The following IZUMO2 variants were observed in gnomAD, a reference collection of about 807,000 sequenced individuals.
IZUMO2 encodes izumo sperm-egg fusion protein 2.
A neutral mutation model predicts 31.2 loss-of-function variants in IZUMO2; 24 were observed. That is an observed-to-expected ratio of 0.77 (90% CI 0.56 to 1.08). The LOEUF (loss-of-function observed/expected upper bound fraction) is 1.08. IZUMO2 is among the 50% of genes least tolerant of loss of function. The probability of loss-of-function intolerance (pLI) is 0.00; values close to 1 mark genes in which losing one functional copy is unlikely to be tolerated. For missense variants in IZUMO2, 278 were observed against 274.0 expected (o/e 1.01, Z -0.10); for synonymous variants, 144 against 117.3 (o/e 1.23, Z -1.47).
chr19:50,154,831 G>A, intron 5 of IZUMO2, 105 bp from the exon 6 acceptor site: 1 of 1,322,364 alleles, frequency 7.6e-7, no homozygotes, highest in Non-Finnish European at 1.0e-6. Flanking sequence ...GGGTGGGGGT[G>A]GGGCGCTCTC....
At chr19:50,162,640 T>C in intron 2 of IZUMO2, 99 bp downstream of exon 2, 2 of 1,010,402 alleles carry the variant, frequency 2.0e-6, no homozygotes, top group South Asian at 1.3e-5. Flanking sequence ...AAGGCTACAT[T>C]GCATGCGTGT....
chr19:50,158,130 G>T (rs1164966043), intron 5 of IZUMO2, 138 bp downstream of exon 5: 3 of 485,168 alleles, frequency 6.2e-6, no homozygotes, highest in Non-Finnish European at 1.1e-5. Flanking sequence ...AGCAACTTCT[G>T]GGCCACACTC....
chr19:50,163,213 TCA>T lies in IZUMO2; in HGVS notation c.-21_-20del. 1 of 1,535,742 alleles carries T rather than the reference TCA, an allele frequency of 6.5e-7. No individual in the cohort carries two copies. Among genetic ancestry groups the T allele is most frequent in the Non-Finnish European group, 8.8e-7 (1 of 1,137,466 alleles). On this transcript the variant is annotated 5_prime_UTR_variant, in exon 1 of 7. It removes the in-frame stop codon of an upstream open reading frame in the 5' UTR. Transcript: ENST00000293405. Reference sequence around the variant, plus strand: ...GAGGCATGGCGGGGCCTTTGTGACGTCACAGAGAGAACCCGGCCCGCCCCGCC... The same window carrying T: ...GAGGCATGGCGGGGCCTTTGTGACGTCAGAGAGAACCCGGCCCGCCCCGCC...
intron 5 of IZUMO2, among the ~76,000 whole-genome samples, chr19:50,157,171 T>C (rs966467558): frequency 6.6e-6 from 1 of 152,148 alleles, no homozygotes; most frequent in Admixed American, 6.6e-5. Flanking sequence ...GAGGCCTGTC[T>C]GAGGAAGTGA....
intron 1 of IZUMO2, 59 bp from the exon 2 acceptor site, chr19:50,162,872 C>A (rs1342533940): frequency 1.2e-6 from 2 of 1,602,388 alleles, no homozygotes; most frequent in East Asian, 2.2e-5. Flanking sequence ...AGTGACCTCA[C>A]CCCCTCCAGG....
At chr19:50,161,540 A>G (rs900554850) in intron 2 of IZUMO2, among the ~76,000 whole-genome samples, 4 of 152,172 alleles carry the variant, frequency 2.6e-5, no homozygotes, top group African/African-American at 9.7e-5. Flanking sequence ...CTCATCTTCC[A>G]TAGAGACAAT....
At chr19:50,157,960 A>ATGAG (rs199828373) in intron 5 of IZUMO2, among the ~76,000 whole-genome samples, 2,610 of 151,916 alleles carry the variant, frequency 0.017, 71 homozygotes, top group African/African-American at 0.06. Flanking sequence ...GAATGAATGA[A>ATGAG]TGAGTGAATT....
chr19:50,153,155 T>G (rs2030084067), intron 6 of IZUMO2, among the ~76,000 whole-genome samples: 1 of 152,024 alleles, frequency 6.6e-6, no homozygotes, highest in African/African-American at 2.4e-5. Flanking sequence ...AGATTTGAGA[T>G]GGACACACAG....
chr19:50,162,621 G>T (rs1483742669), intron 2 of IZUMO2, 118 bp downstream of exon 2: 1 of 704,414 alleles, frequency 1.4e-6, no homozygotes, highest in Non-Finnish European at 2.3e-6. Flanking sequence ...TCTTAAAAAA[G>T]AAAAAAAAAA....
chr19:50,158,194 A>G (rs563902214), intron 5 of IZUMO2, 74 bp downstream of exon 5: 75 of 938,702 alleles, frequency 8.0e-5, no homozygotes, highest in Non-Finnish European at 1.1e-4. Flanking sequence ...CTCGAAACCC[A>G]TATCTAGTGG....
chr19:50,158,375 G>A (rs2030286945), intron 4 of IZUMO2, 27 bp from the exon 5 acceptor site: 1 of 1,470,684 alleles, frequency 6.8e-7, no homozygotes, highest in Non-Finnish European at 9.5e-7. Flanking sequence ...GGAGAAGTAA[G>A]ACAAGGGCAG....
At chr19:50,157,531 T>C (rs1180242994) in intron 5 of IZUMO2, among the ~76,000 whole-genome samples, 1 of 150,240 alleles carries the variant, frequency 6.7e-6, no homozygotes, top group Non-Finnish European at 1.5e-5. Context: ...CTCAAACTCC[T>C]GACCTTGTGA....
rs138566751 is a variant in IZUMO2 at position 50,159,598 on chromosome 19, T to A, written c.308-18A>T. 1,702 of 1,574,222 alleles carry A rather than the reference T, an allele frequency of 1.1e-3. 13 individuals are homozygous for A. The African/African-American group carries it at 0.016, about 15-fold the overall frequency. On this transcript the variant is annotated intron_variant, in intron 2 of 6. Transcript: ENST00000293405. ...AGGCTCATCTGAGGAGAGAAAGAGA[T>A]CTCTGTGGGGTGGGAGGCACCCAGA... is the stretch of plus-strand genomic sequence containing the variant.
chr19:50,159,420 A>AG (rs768248249), intron 3 of IZUMO2, 74 bp downstream of exon 3: 212 of 1,290,638 alleles, frequency 1.6e-4, no homozygotes, highest in Non-Finnish European at 2.3e-4. Context: ...GGAGTTTGGG[A>AG]GAAAAAGTGG....
chr19:50,158,000 A>G (rs114709829), intron 5 of IZUMO2, among the ~76,000 whole-genome samples: 2,696 of 152,132 alleles, frequency 0.018, 74 homozygotes, highest in African/African-American at 0.062. Flanking sequence ...CCCCAGGTAT[A>G]GCAATGGCTA....
intron 2 of IZUMO2, 76 bp from the exon 3 acceptor site, chr19:50,159,656 A>G: frequency 1.2e-6 from 1 of 835,926 alleles, no homozygotes; most frequent in East Asian, 2.4e-5. Context: ...CTTCCAGGAG[A>G]AGAGATGAGG....
intron 5 of IZUMO2, among the ~76,000 whole-genome samples, chr19:50,157,018 G>A (rs1443640870): frequency 6.6e-6 from 1 of 152,158 alleles, no homozygotes; most frequent in Non-Finnish European, 1.5e-5. Context: ...ATTTTTAGAG[G>A]TACATGCTAT....
chr19:50,160,877 G>A (rs146708298), intron 2 of IZUMO2: 8 of 152,160 alleles, frequency 5.3e-5, no homozygotes, highest in African/African-American at 1.7e-4. Context: ...TGCCCCCCAC[G>A]TTTATATTAC....
intron 6 of IZUMO2, among the ~76,000 whole-genome samples, chr19:50,153,478 G>A (rs745443033): frequency 2.6e-5 from 4 of 152,144 alleles, no homozygotes; most frequent in African/African-American, 4.8e-5. Context: ...TAGCCTGCAC[G>A]GAGCACTCCC....
Sources: gnomAD v4.1 joint callset for allele counts (sites outside exome capture counted in the v4.1 genomes callset) on GRCh38, gnomAD v4.1.1 for gene constraint, MANE v1.5 for transcripts, NCBI Gene and HGNC (gene_info 2026-07-23, HGNC 2026-07-21) for gene names.